CLYBL: variants seen among roughly 807,000 people sequenced by gnomAD.
CLYBL encodes citramalyl-CoA lyase, mitochondrial.
In CLYBL, 31 loss-of-function variants were observed where a neutral mutation model predicts 38.9. The observed-to-expected ratio is 0.80, with a 90% CI of 0.60 to 1.08. The LOEUF (loss-of-function observed/expected upper bound fraction) is 1.08. CLYBL is among the 50% of genes least tolerant of loss of function. The pLI is 0.00. For synonymous variants in CLYBL, 171 were observed against 158.6 expected (o/e 1.08, Z -0.59); for missense variants, 434 against 411.6 (o/e 1.05, Z -0.47).
chr13:99,738,790 G>A (rs2048706209), intron 1 of CLYBL, among the ~76,000 whole-genome samples: 1 of 150,828 alleles, frequency 6.6e-6, no homozygotes, highest in Non-Finnish European at 1.5e-5. Flanking sequence ...GTGAAAAGAA[G>A]GAAGGAAATG....
At chr13:99,789,027 T>G (rs1374433732) in intron 2 of CLYBL, among the ~76,000 whole-genome samples, 2 of 152,236 alleles carry the variant, frequency 1.3e-5, no homozygotes, top group Non-Finnish European at 2.9e-5. Context: ...AGTTTGTATT[T>G]CTGTGGGATC....
chr13:99,692,338 C>G (rs550138188), intron 1 of CLYBL, among the ~76,000 whole-genome samples: 1 of 151,320 alleles, frequency 6.6e-6, no homozygotes, highest in South Asian at 2.1e-4. Context: ...GTCACCCAGG[C>G]TGGAGTGCAG....
chr13:99,626,589 A>G (rs1318951233), intron 1 of CLYBL, among the ~76,000 whole-genome samples: 1 of 152,042 alleles, frequency 6.6e-6, no homozygotes, highest in African/African-American at 2.4e-5. Flanking sequence ...ACGTGGTGGA[A>G]CTCTGCAGCT....
Position 99,788,907 on chromosome 13 carries a change from A to G in CLYBL, c.249+15897A>G, listed in dbSNP as rs566449635. ...TGTTATTGGTCTATTGAGGGATTCA[A>G]CTTCTTCCTGGTTTAGTCTTGGGAG... On this transcript the variant is annotated intron_variant, in intron 2 of 8. Coordinates refer to ENST00000339105, the MANE Select transcript of CLYBL (RefSeq NM_206808.5). Among the ~76,000 whole-genome samples the G allele has an allele frequency of 3.5e-4, 54 of 152,222 alleles. 1 individual carries two copies. In the South Asian group the frequency reaches 8.3e-3, roughly 23 times the overall value.
intron 6 of CLYBL, among the ~76,000 whole-genome samples, chr13:99,866,901 C>T (rs912160020): frequency 6.6e-6 from 1 of 152,158 alleles, no homozygotes; most frequent in Non-Finnish European, 1.5e-5. Context: ...CCTCCTCTCT[C>T]TCCCACCTCC....
At chr13:99,762,957 A>T (rs575221946) in intron 1 of CLYBL, among the ~76,000 whole-genome samples, 134 of 152,194 alleles carry the variant, frequency 8.8e-4, no homozygotes, top group African/African-American at 3.2e-3. Context: ...CTTTCTTGAT[A>T]TCTTTTTCAT....
chr13:99,625,576 A>G (rs2046858357), intron 1 of CLYBL, among the ~76,000 whole-genome samples: 1 of 152,346 alleles, frequency 6.6e-6, no homozygotes, highest in East Asian at 1.9e-4. Context: ...CCCTTTTTTA[A>G]AAAAATACTT....
chr13:99,796,201 T>A (rs560453132), intron 2 of CLYBL, among the ~76,000 whole-genome samples: 10 of 152,266 alleles, frequency 6.6e-5, no homozygotes, highest in African/African-American at 2.4e-4. Flanking sequence ...TTGGGCTGCT[T>A]CACTGGAGAC....
At chr13:99,858,642 C>T (rs536072627) in intron 2 of CLYBL, among the ~76,000 whole-genome samples, 6 of 152,324 alleles carry the variant, frequency 3.9e-5, no homozygotes, top group East Asian at 3.9e-4. Context: ...CGGTGCGTCT[C>T]GGCTATGTTA....
At chr13:99,854,783 T>C (rs947049174) in intron 2 of CLYBL, among the ~76,000 whole-genome samples, 1 of 152,152 alleles carries the variant, frequency 6.6e-6, no homozygotes, top group African/African-American at 2.4e-5. Context: ...CTTTCTTACG[T>C]CACCAGAGCG....
At chr13:99,886,363 T>C (rs1199377523) in intron 7 of CLYBL, among the ~76,000 whole-genome samples, 1 of 152,266 alleles carries the variant, frequency 6.6e-6, no homozygotes, top group African/African-American at 2.4e-5. Context: ...CATCACGCCA[T>C]CATCATCACC....
intron 1 of CLYBL, among the ~76,000 whole-genome samples, chr13:99,703,005 A>G (rs1251804346): frequency 1.3e-5 from 2 of 152,246 alleles, no homozygotes; most frequent in Non-Finnish European, 2.9e-5. Flanking sequence ...TTTTCAAAAG[A>G]AAAGGGTGCT....
chr13:99,711,875 C>T (rs934572215), intron 1 of CLYBL, among the ~76,000 whole-genome samples: 2 of 151,780 alleles, frequency 1.3e-5, no homozygotes, highest in African/African-American at 4.8e-5. Context: ...ACCATCACGC[C>T]CGGCTAATTT....
chr13:99,660,200 A>G (rs1184462341), intron 1 of CLYBL, among the ~76,000 whole-genome samples: 2 of 152,244 alleles, frequency 1.3e-5, no homozygotes, highest in African/African-American at 2.4e-5. Context: ...TGTTATGGCA[A>G]CTGAAATACT....
At position 99,807,276 on chromosome 13, in the gene CLYBL, C is replaced by T. The variant is rs536443734; in HGVS notation, c.249+34266C>T. On this transcript the variant is annotated intron_variant, in intron 2 of 8. Coordinates refer to ENST00000339105, the MANE Select transcript of CLYBL (RefSeq NM_206808.5). ...GATAGGTGCGTTCTTTATGCTTTCT[C>T]ACTGAGATGTGTCTCCCCGCATGTG... 2.0e-5 allele frequency among the ~76,000 whole-genome samples: 3 copies of T among 152,268 alleles called. No homozygotes were observed. The South Asian group carries it at 6.2e-4, about 32-fold the overall frequency.
At chr13:99,811,264 G>A (rs1043105544) in intron 2 of CLYBL, among the ~76,000 whole-genome samples, 2 of 152,198 alleles carry the variant, frequency 1.3e-5, no homozygotes, top group Non-Finnish European at 2.9e-5. Flanking sequence ...CATTATCCAG[G>A]TAAGCAGGCT....
At chr13:99,747,943 AATATAC>A (rs1265318958) in intron 1 of CLYBL, among the ~76,000 whole-genome samples, 1 of 152,132 alleles carries the variant, frequency 6.6e-6, no homozygotes, top group Non-Finnish European at 1.5e-5. Flanking sequence ...ATTGTGGTAA[AATATAC>A]ATAACATAAA....
intron 1 of CLYBL, among the ~76,000 whole-genome samples, chr13:99,712,895 C>A (rs2048256830): frequency 6.6e-6 from 1 of 152,144 alleles, no homozygotes; most frequent in East Asian, 1.9e-4. Flanking sequence ...TATCTGGAAA[C>A]CATGTCTTCT....
At chr13:99,811,877 GAC>G (rs2050349550) in intron 2 of CLYBL, among the ~76,000 whole-genome samples, 1 of 152,140 alleles carries the variant, frequency 6.6e-6, no homozygotes, top group African/African-American at 2.4e-5. Context: ...TACAAGTCTT[GAC>G]AAGTTTCAGG....
Sources: allele counts gnomAD v4.1 joint callset (sites outside exome capture counted in the v4.1 genomes callset), GRCh38; gene constraint gnomAD v4.1.1; transcripts MANE v1.5; gene names NCBI Gene and HGNC (gene_info 2026-07-23, HGNC 2026-07-21).